RP1: variants seen among roughly 807,000 people sequenced by gnomAD.
The protein encoded by RP1 is oxygen-regulated protein 1.
In RP1, 16 loss-of-function variants were observed where a neutral mutation model predicts 14.8. The observed-to-expected ratio is 1.08, with a 90% CI of 0.73 to 1.65. The LOEUF (loss-of-function observed/expected upper bound fraction) is 1.65, where lower values mean the gene tolerates loss of function less well. Among genes scored for constraint, RP1 ranks in the 40% most tolerant of loss-of-function variants. The pLI is 0.00. For missense variants in RP1, 2,631 were observed against 2,535.0 expected (o/e 1.04, Z -0.81); for synonymous variants, 876 against 883.6 (o/e 0.99, Z 0.15).
rs1449723475 is a variant in RP1, at chr8:54,626,489, G to GA, written c.2613dup (p.Arg872ThrfsTer2). The GA allele has an allele frequency of 2.5e-6, 4 of 1,613,678 alleles. No individual in the cohort carries two copies. The highest frequency in any genetic ancestry group is 2.2e-5 in the East Asian group (1 of 44,796). On this transcript the variant is annotated frameshift_variant, in exon 4 of 4. Coordinates refer to ENST00000220676, the MANE Select transcript of RP1 (RefSeq NM_006269.2). LOFTEE classifies it low-confidence loss of function (END_TRUNC). Reference sequence around the variant, plus strand: ...ATTCACACATAACTTTAAAAAGCCAGAAAAAACGTAAAGGGGATAAAGTGA... The same window carrying GA: ...ATTCACACATAACTTTAAAAAGCCAGAAAAAAACGTAAAGGGGATAAAGTGA...
chr8:54,581,635 A>G (rs995777401), intron 1 of RP1, among the ~76,000 whole-genome samples: 68 of 152,172 alleles, frequency 4.5e-4, no homozygotes, highest in Non-Finnish European at 4.9e-4. Flanking sequence ...GTGTAAAACT[A>G]TTCCTATTTC....
intron 3 of RP1, among the ~76,000 whole-genome samples, chr8:54,645,240 T>TTA (rs1341785541): frequency 2.6e-5 from 4 of 152,180 alleles, no homozygotes; most frequent in African/African-American, 9.7e-5. Flanking sequence ...TTTGGGTAGT[T>TTA]TACTACAATG....
At chr8:54,850,134 C>T (rs979284715) in intron 25 of RP1, among the ~76,000 whole-genome samples, 1 of 152,012 alleles carries the variant, frequency 6.6e-6, no homozygotes, top group Admixed American at 6.6e-5. Context: ...GATGGATAAC[C>T]AACAACAAAT....
intron 24 of RP1, among the ~76,000 whole-genome samples, chr8:54,803,702 G>A (rs533584915): frequency 2.8e-4 from 42 of 152,252 alleles, no homozygotes; most frequent in Non-Finnish European, 5.7e-4. Flanking sequence ...AAGAAAAGAA[G>A]TGTTATGGGA....
At position 54,727,580 on chromosome 8, in the gene RP1, T is replaced by A. The variant is rs75318970; in HGVS notation, c.2521+1104T>A. Among the ~76,000 whole-genome samples the A allele has an allele frequency of 6.1e-3, 931 of 152,218 alleles. 4 individuals carry two copies. Among genetic ancestry groups the A allele is most frequent in the African/African-American group, 0.021 (876 of 41,556 alleles). On this transcript the variant is annotated intron_variant, in intron 17 of 22. Transcript: ENST00000636932. ...TTTAAATGTTACCATTATGAAATTT[T>A]TAAGGATTTTTTTTACTGAGGCTGG... is the stretch of plus-strand genomic sequence containing the variant.
At chr8:54,863,032 G>A (rs1188769732) in intron 27 of RP1, among the ~76,000 whole-genome samples, 2 of 126,112 alleles carry the variant, frequency 1.6e-5, no homozygotes, top group African/African-American at 5.9e-5. Context: ...TACCCCCAGA[G>A]TATTCCAAAT....
chr8:54,768,304 G>T (rs752497135), intron 22 of RP1, among the ~76,000 whole-genome samples: 1 of 152,068 alleles, frequency 6.6e-6, no homozygotes, highest in Non-Finnish European at 1.5e-5. Context: ...AATTGAGTTG[G>T]TCAGTCTCTT....
chr8:54,849,354 T>G (rs1812006630), intron 25 of RP1, among the ~76,000 whole-genome samples: 1 of 152,132 alleles, frequency 6.6e-6, no homozygotes, highest in South Asian at 2.1e-4. Flanking sequence ...AAAAAAAAAT[T>G]AAGTCATTGT....
intron 19 of RP1, among the ~76,000 whole-genome samples, chr8:54,746,322 T>C (rs377086119): frequency 4.6e-5 from 7 of 152,322 alleles, no homozygotes; most frequent in African/African-American, 1.7e-4. Flanking sequence ...TTTGGGGCTT[T>C]TGATCTAGTG....
intron 24 of RP1, among the ~76,000 whole-genome samples, chr8:54,793,110 C>A (rs947941499): frequency 3.3e-5 from 5 of 151,742 alleles, no homozygotes; most frequent in Admixed American, 1.3e-4. Context: ...TTTATAGAAA[C>A]ATACAACCTA....
At chr8:54,787,514 G>A (rs1344635945) in intron 24 of RP1, among the ~76,000 whole-genome samples, 3 of 151,994 alleles carry the variant, frequency 2.0e-5, no homozygotes, top group Admixed American at 2.0e-4. Flanking sequence ...AATCATAAAG[G>A]CATCCATGTA....
intron 24 of RP1, among the ~76,000 whole-genome samples, chr8:54,787,009 A>C (rs559596101): frequency 1.4e-4 from 21 of 152,270 alleles, no homozygotes; most frequent in African/African-American, 4.1e-4. Flanking sequence ...GGTAACTGTA[A>C]TATTCTCCTG....
chr8:54,601,572 T>TA (rs11399535), intron 1 of RP1, among the ~76,000 whole-genome samples: 58,182 of 109,692 alleles, frequency 0.53, 12,676 homozygotes, highest in Middle Eastern at 0.65. Context: ...TAAAGTATAA[T>TA]AAAAAAAAAC....
intron 24 of RP1, among the ~76,000 whole-genome samples, chr8:54,823,170 C>T (rs890011657): frequency 3.3e-4 from 50 of 152,118 alleles, no homozygotes; most frequent in African/African-American, 1.1e-3. Flanking sequence ...AAGCCCTCCC[C>T]GGTGGGTGCT....
rs1317078575 is a variant in RP1, at chr8:54,755,603, C to T, written c.2942-16C>T. On this transcript the variant is annotated splice_polypyrimidine_tract_variant and intron_variant, in intron 20 of 22. Coordinates refer to the RP1 transcript ENST00000636932. ...AATGTATTTCCTCTTATTTTCTCTC[C>T]CTGTTGCTTTGCCAGTAGTGAGATA... 2.0e-6 allele frequency: 3 copies of T among 1,535,348 alleles called. No homozygotes were observed. In the East Asian group the frequency reaches 7.3e-5, roughly 38 times the overall value.
intron 22 of RP1, among the ~76,000 whole-genome samples, chr8:54,763,119 G>A (rs777623874): frequency 6.6e-6 from 1 of 152,056 alleles, no homozygotes; most frequent in Non-Finnish European, 1.5e-5. Flanking sequence ...GTATTGTTTA[G>A]CATTAAATTA....
chr8:54,572,014 T>C (rs1563315178), intron 1 of RP1, among the ~76,000 whole-genome samples: 2 of 152,134 alleles, frequency 1.3e-5, no homozygotes, highest in Non-Finnish European at 2.9e-5. Context: ...TTCAATATAT[T>C]TTAAGGAACC....
intron 1 of RP1, among the ~76,000 whole-genome samples, chr8:54,573,609 G>C (rs1191475964): frequency 1.3e-5 from 2 of 151,908 alleles, no homozygotes; most frequent in Non-Finnish European, 2.9e-5. Flanking sequence ...TTTCCGTTTT[G>C]CAAAAAAAGG....
At chr8:54,576,329 G>A (rs1376537895) in intron 1 of RP1, among the ~76,000 whole-genome samples, 1 of 152,236 alleles carries the variant, frequency 6.6e-6, no homozygotes, top group Non-Finnish European at 1.5e-5. Context: ...ACAGGCGTGA[G>A]CCACCGCGCC....
Sources: allele counts gnomAD v4.1 joint callset (sites outside exome capture counted in the v4.1 genomes callset), GRCh38; gene constraint gnomAD v4.1.1; transcripts MANE v1.5; gene names NCBI Gene and HGNC (gene_info 2026-07-23, HGNC 2026-07-21).